WDR7: variants seen among roughly 807,000 people sequenced by gnomAD.
WDR7 encodes the protein WD repeat-containing protein 7.
Under a neutral mutation model 169.4 loss-of-function variants are expected in WDR7, and 46 were observed. That is an observed-to-expected ratio of 0.27 (90% confidence interval 0.21 to 0.35). WDR7 has a LOEUF of 0.35. WDR7 is among the 10% of genes least tolerant of loss of function. The pLI is 1.00. For missense variants in WDR7, 1,534 were observed against 1,859.3 expected, an observed-to-expected ratio of 0.83 and a Z score of 3.22; for synonymous variants, 612 against 666.8, an observed-to-expected ratio of 0.92 and a Z score of 1.27.
At chr18:56,655,293 A>G (rs949624808) in intron 1 of WDR7, among the ~76,000 whole-genome samples, 1 of 152,192 alleles carries the variant, frequency 6.6e-6, no homozygotes, top group Non-Finnish European at 1.5e-5. Context: ...GTGCCATTTT[A>G]TCACCTGTGT....
At chr18:56,755,899 A>G (rs1301734343) in intron 14 of WDR7, among the ~76,000 whole-genome samples, 2 of 151,924 alleles carry the variant, frequency 1.3e-5, no homozygotes, top group African/African-American at 4.8e-5. Context: ...TTTTCTTTCT[A>G]TCTCGGGAAA....
At chr18:56,953,433 AC>A (rs2047210040) in intron 25 of WDR7, among the ~76,000 whole-genome samples, 1 of 152,260 alleles carries the variant, frequency 6.6e-6, no homozygotes. Context: ...AAGCCACTCA[AC>A]AAATAGGAAT....
intron 27 of WDR7, among the ~76,000 whole-genome samples, chr18:57,026,084 A>G (rs1322470649): frequency 1.3e-5 from 2 of 152,232 alleles, no homozygotes; most frequent in African/African-American, 4.8e-5. Context: ...ACATAATGCT[A>G]TTGAAGATAT....
At chr18:56,941,897 A>G (rs1223836335) in intron 25 of WDR7, among the ~76,000 whole-genome samples, 1 of 152,164 alleles carries the variant, frequency 6.6e-6, no homozygotes, top group East Asian at 1.9e-4. Flanking sequence ...ATGGAATGGC[A>G]TCCTATCCAG....
At chr18:56,779,334 T>G in intron 17 of WDR7, 97 bp from the exon 18 acceptor site, 1 of 805,040 alleles carries the variant, frequency 1.2e-6, no homozygotes, top group Non-Finnish European at 1.9e-6. Flanking sequence ...TTAGCAGATC[T>G]GCCTTTTTTT....
intron 27 of WDR7, among the ~76,000 whole-genome samples, chr18:57,026,627 G>T (rs62100201): frequency 0.2 from 30,712 of 152,150 alleles, 3,650 homozygotes; most frequent in Non-Finnish European, 0.27. Flanking sequence ...CCTTCAGGGA[G>T]TGAGTGCAGT....
intron 19 of WDR7, among the ~76,000 whole-genome samples, chr18:56,800,449 C>T (rs2044653313): frequency 6.6e-6 from 1 of 152,134 alleles, no homozygotes; most frequent in South Asian, 2.1e-4. Flanking sequence ...TGCCATTTTA[C>T]TTCTTTCTTT....
chr18:56,851,859 A>G (rs1044494364), intron 20 of WDR7, among the ~76,000 whole-genome samples: 8 of 152,224 alleles, frequency 5.3e-5, no homozygotes, highest in Non-Finnish European at 1.2e-4. Context: ...TTGTTAGCAC[A>G]TATAGCTTAA....
At chr18:56,852,153 A>C (rs77206972) in intron 20 of WDR7, among the ~76,000 whole-genome samples, 2,219 of 152,270 alleles carry the variant, frequency 0.015, 50 homozygotes, top group African/African-American at 0.049. Flanking sequence ...TCACCCAGCT[A>C]TAGAAAAACG....
At chr18:57,000,926 A>C (rs1047529788) in intron 26 of WDR7, among the ~76,000 whole-genome samples, 3 of 152,108 alleles carry the variant, frequency 2.0e-5, no homozygotes, top group African/African-American at 7.2e-5. Flanking sequence ...ATGTAAATGT[A>C]GGGCCATGTA....
chr18:56,951,934 ATTAT>A (rs1384303553), intron 25 of WDR7, among the ~76,000 whole-genome samples: 1 of 152,186 alleles, frequency 6.6e-6, no homozygotes, highest in Non-Finnish European at 1.5e-5. Context: ...AAATTTTAAA[ATTAT>A]TTATTTTGTT....
intron 19 of WDR7, among the ~76,000 whole-genome samples, chr18:56,786,502 C>G (rs1313103034): frequency 6.6e-6 from 1 of 151,402 alleles, no homozygotes; most frequent in African/African-American, 2.4e-5. Flanking sequence ...GCACTCCAGC[C>G]TGGGTGACAG....
chr18:56,765,875 G>A (rs894571021), intron 16 of WDR7, among the ~76,000 whole-genome samples: 2 of 152,106 alleles, frequency 1.3e-5, no homozygotes, highest in Non-Finnish European at 2.9e-5. Flanking sequence ...TTGCTACATG[G>A]ATACACATGT....
At position 57,018,233 on chromosome 18, in the gene WDR7, C is replaced by T. The variant is rs114226932; in HGVS notation, c.4165-2512C>T. ...CTCCAGAAGGAGGCTCAGTCCACCT[C>T]TACACAGAGTTGGGCTTTGGGGGCT... On this transcript the variant is annotated intron_variant, in intron 26 of 27. Coordinates refer to ENST00000254442, the MANE Select transcript of WDR7 (RefSeq NM_015285.3). Among the ~76,000 whole-genome samples the T allele has an allele frequency of 2.7e-3, 414 of 152,314 alleles. 2 individuals are homozygous for T. The highest frequency in any genetic ancestry group is 9.6e-3 in the African/African-American group (399 of 41,576).
chr18:56,795,302 A>T (rs958601304), intron 19 of WDR7, among the ~76,000 whole-genome samples: 1 of 152,146 alleles, frequency 6.6e-6, no homozygotes, highest in African/African-American at 2.4e-5. Context: ...CTCAGACCTG[A>T]GTCAACTCAT....
chr18:56,652,338 C>T (rs1284882900), intron 1 of WDR7, among the ~76,000 whole-genome samples: 1 of 152,168 alleles, frequency 6.6e-6, no homozygotes, highest in Non-Finnish European at 1.5e-5. Flanking sequence ...CTTCCTCTCA[C>T]TGTAATATTT....
chr18:56,974,711 TTG>T (rs1312916584), intron 26 of WDR7, among the ~76,000 whole-genome samples: 3 of 152,198 alleles, frequency 2.0e-5, no homozygotes, highest in Non-Finnish European at 4.4e-5. Context: ...TTAAGAGAGA[TTG>T]TGTTATCATA....
intron 25 of WDR7, among the ~76,000 whole-genome samples, chr18:56,945,782 ATG>A (rs1383304453): frequency 5.3e-5 from 8 of 152,152 alleles, no homozygotes; most frequent in African/African-American, 1.9e-4. Context: ...GGTGATTCTT[ATG>A]AACACTAAAC....
At position 56,740,091 on chromosome 18, in the gene WDR7, TCTCTC is replaced by T. The variant is rs201562325; in HGVS notation, c.1989+8495_1989+8499del. On this transcript the variant is annotated intron_variant, in intron 14 of 27. Coordinates refer to ENST00000254442, the MANE Select transcript of WDR7 (RefSeq NM_015285.3). ...TTGTTTTTCGTAGGTTTCATGTTCT[TCTCTC>T]TATTTTGTAATCTTTGTCTCCCTCT... Among the ~76,000 whole-genome samples, 395 of 152,142 alleles carry T rather than the reference TCTCTC, an allele frequency of 2.6e-3. 3 individuals carry two copies. The East Asian group carries it at 0.032, about 12-fold the overall frequency.
Sources: allele counts gnomAD v4.1 joint callset (sites outside exome capture counted in the v4.1 genomes callset), GRCh38; gene constraint gnomAD v4.1.1; transcripts MANE v1.5; gene names NCBI Gene and HGNC (gene_info 2026-07-23, HGNC 2026-07-21).